DNAAF10: variants seen among roughly 807,000 people sequenced by gnomAD.
DNAAF10 encodes the protein dynein axonemal assembly factor 10.
DNAAF10 carries 28 observed loss-of-function variants against 43.7 expected under a neutral mutation model. The ratio of observed to expected loss-of-function variants is 0.64; its 90% CI spans 0.48 to 0.88. DNAAF10 has a LOEUF of 0.88. Among genes scored for constraint, DNAAF10 ranks in the 40% least tolerant of loss-of-function variants. The probability of loss-of-function intolerance (pLI) is 0.00; values close to 1 mark genes in which losing one functional copy is unlikely to be tolerated. For missense variants in DNAAF10, 403 were observed against 439.1 expected (o/e 0.92, Z 0.73); for synonymous variants, 156 against 157.3 (o/e 0.99, Z 0.06).
At chr2:68,154,869 C>G (rs1397252292) in intron 1 of DNAAF10, among the ~76,000 whole-genome samples, 1 of 151,958 alleles carries the variant, frequency 6.6e-6, no homozygotes, top group African/African-American at 2.4e-5. Context: ...CTCAAGAGAT[C>G]CTCCCACCAC....
chr2:68,149,214 T>C (rs1194368354), intron 1 of DNAAF10, among the ~76,000 whole-genome samples: 3 of 152,226 alleles, frequency 2.0e-5, no homozygotes, highest in Admixed American at 6.5e-5. Context: ...ATAACAACTT[T>C]TTTTCTCTGA....
chr2:68,132,117 C>T (rs1175660319), intron 7 of DNAAF10: 1 of 152,310 alleles, frequency 6.6e-6, no homozygotes, highest in East Asian at 1.9e-4. Context: ...GTCATAAATC[C>T]TATTTGGTCT....
intron 1 of DNAAF10, among the ~76,000 whole-genome samples, chr2:68,154,037 G>A (rs1673525382): frequency 6.6e-6 from 1 of 151,858 alleles, no homozygotes; most frequent in South Asian, 2.1e-4. Flanking sequence ...ACAGGTGTGA[G>A]CACCGCGCCC....
At chr2:68,143,190 T>A (rs75967652) in intron 3 of DNAAF10, among the ~76,000 whole-genome samples, 6,127 of 151,054 alleles carry the variant, frequency 0.041, 454 homozygotes, top group African/African-American at 0.14. Flanking sequence ...AAAAAAAAAA[T>A]CCCAGATATA....
In DNAAF10 at chr2:68,131,182, T is replaced by C. The variant is rs1185596545; in HGVS notation, c.*56A>G. The C allele has an allele frequency of 3.8e-6, 6 of 1,576,816 alleles. No individual in the cohort carries two copies. In the African/African-American group the frequency reaches 8.1e-5, roughly 21 times the overall value. ...ATCCACCCGCCTCGGCCTCCCAAAG[T>C]GCTGGGATTACAGGAGTGAGCCACC... On this transcript the variant is annotated 3_prime_UTR_variant, in exon 8 of 8. Coordinates refer to ENST00000295121, the MANE Select transcript of DNAAF10 (RefSeq NM_138458.4).
chr2:68,149,366 A>G (rs948785633), intron 1 of DNAAF10, among the ~76,000 whole-genome samples: 2 of 152,218 alleles, frequency 1.3e-5, no homozygotes, highest in Non-Finnish European at 2.9e-5. Flanking sequence ...ATTGTCTAGT[A>G]AACGAAATCA....
At chr2:68,145,387 T>C (rs1673293373) in intron 2 of DNAAF10, among the ~76,000 whole-genome samples, 1 of 152,166 alleles carries the variant, frequency 6.6e-6, no homozygotes, top group Non-Finnish European at 1.5e-5. Flanking sequence ...TACTCATTGT[T>C]AAATTCCATC....
chr2:68,153,753 T>C (rs1024843954), intron 1 of DNAAF10, among the ~76,000 whole-genome samples: 3 of 145,100 alleles, frequency 2.1e-5, no homozygotes, highest in Non-Finnish European at 3.0e-5. Context: ...AAGTTTTTTT[T>C]TTTTTTTTTT....
chr2:68,130,959 A>T lies in DNAAF10; in HGVS notation c.*279T>A. 1 of 196,976 alleles carries T rather than the reference A, an allele frequency of 5.1e-6. No homozygotes were observed. Among genetic ancestry groups the T allele is most frequent in the Non-Finnish European group, 9.5e-6 (1 of 105,142 alleles). The allele number at this position is 196,976 out of a possible 1,614,324, so 12.2% of individuals were successfully genotyped here. On this transcript the variant is annotated 3_prime_UTR_variant, in exon 8 of 8. Coordinates refer to ENST00000295121, the MANE Select transcript of DNAAF10 (RefSeq NM_138458.4). The stretch of plus-strand genomic sequence containing the variant: ...TTGAGACAGTCTTGCTCAGTTGCCC[A>T]GGCTGGAGTGCAGTGGCACAATCTC...
chr2:68,139,223 A>T (rs7603757), intron 4 of DNAAF10, among the ~76,000 whole-genome samples: 6,242 of 152,024 alleles, frequency 0.041, 371 homozygotes, highest in African/African-American at 0.13. Context: ...CTTCTAGTTC[A>T]TGTGAGGTCT....
intron 1 of DNAAF10, among the ~76,000 whole-genome samples, chr2:68,156,642 C>T (rs764739961): frequency 2.0e-4 from 30 of 152,180 alleles, no homozygotes; most frequent in Non-Finnish European, 3.8e-4. Flanking sequence ...CTGCTTATCC[C>T]TCTAGTTTCT....
intron 3 of DNAAF10, among the ~76,000 whole-genome samples, chr2:68,144,160 T>A (rs1234951063): frequency 6.6e-6 from 1 of 152,190 alleles, no homozygotes; most frequent in Non-Finnish European, 1.5e-5. Context: ...GCTTAGTGGA[T>A]GGATCACAGA....
chr2:68,155,507 A>ATT (rs1274200043), intron 1 of DNAAF10, among the ~76,000 whole-genome samples: 1 of 151,770 alleles, frequency 6.6e-6, no homozygotes, highest in Non-Finnish European at 1.5e-5. Context: ...AAAAAAAAAG[A>ATT]AAGAAAGAAA....
intron 6 of DNAAF10, among the ~76,000 whole-genome samples, chr2:68,135,425 A>C (rs547323664): frequency 6.6e-6 from 1 of 152,238 alleles, no homozygotes; most frequent in Non-Finnish European, 1.5e-5. Flanking sequence ...TATCATTCAC[A>C]TTAGACTAAA....
At chr2:68,131,647 G>T in intron 7 of DNAAF10, 1 of 553,730 alleles carries the variant, frequency 1.8e-6, no homozygotes, top group Non-Finnish European at 3.2e-6. Context: ...CATAAAAAAG[G>T]GTTATTAGTT....
chr2:68,134,741 A>G lies in DNAAF10; in HGVS notation c.827T>C (p.Leu276Pro). 6.2e-7 allele frequency: 1 copy of G among 1,609,542 alleles called. No individual in the cohort carries two copies. The highest frequency in any genetic ancestry group is 8.5e-7 in the Non-Finnish European group (1 of 1,178,980). The change falls in exon 7 of 8, where the codon CTG becomes CCG. Residue 276 changes from leucine (L) to proline (P), a missense_variant. Physicochemically the swap from Leu to Pro is moderately conservative, Grantham distance 98. Coordinates refer to ENST00000295121, the MANE Select transcript of DNAAF10 (RefSeq NM_138458.4). The part of the protein sequence containing the change: ...RHLPQNRELF[L>P]TAGGAGGLHL... ...AAGGCCGCCGGCGCCTCCAGCTGTCAGAAAGAGCTCCCTGTTCTGCGGCAG... is the reference window on the plus strand; with the variant it reads ...AAGGCCGCCGGCGCCTCCAGCTGTCGGAAAGAGCTCCCTGTTCTGCGGCAG...
intron 7 of DNAAF10, among the ~76,000 whole-genome samples, chr2:68,133,039 G>A (rs901167734): frequency 6.6e-6 from 1 of 152,148 alleles, no homozygotes; most frequent in Admixed American, 6.5e-5. Flanking sequence ...GCCACCACAT[G>A]GCTTCACTAA....
At chr2:68,142,505 T>C (rs567887863) in intron 3 of DNAAF10, among the ~76,000 whole-genome samples, 24 of 152,316 alleles carry the variant, frequency 1.6e-4, no homozygotes, top group African/African-American at 5.8e-4. Flanking sequence ...GTGATCCACC[T>C]GCCTGGGCTT....
intron 1 of DNAAF10, among the ~76,000 whole-genome samples, chr2:68,150,664 C>G (rs1385275154): frequency 6.6e-6 from 1 of 152,012 alleles, no homozygotes; most frequent in South Asian, 2.1e-4. Flanking sequence ...ACCCAGAGGG[C>G]GGAGGCTGCA....
Sources: allele counts gnomAD v4.1 joint callset (sites outside exome capture counted in the v4.1 genomes callset), GRCh38; gene constraint gnomAD v4.1.1; transcripts MANE v1.5; gene names NCBI Gene and HGNC (gene_info 2026-07-23, HGNC 2026-07-21).